SLC44A3: variants seen among roughly 807,000 people sequenced by gnomAD.
SLC44A3 encodes choline transporter-like protein 3.
A neutral mutation model predicts 75.4 loss-of-function variants in SLC44A3; 74 were observed. That is an observed-to-expected ratio of 0.98 (90% CI 0.81 to 1.19). SLC44A3 has a LOEUF of 1.19. Among genes scored for constraint, SLC44A3 ranks in the 50% most tolerant of loss-of-function variants. The pLI is 0.00. For synonymous variants in SLC44A3, 310 were observed against 296.9 expected, an observed-to-expected ratio of 1.04 and a Z score of -0.45; for missense variants, 700 against 778.6, an observed-to-expected ratio of 0.90 and a Z score of 1.20.
chr1:94,861,815 A>T (rs1279522255), intron 10 of SLC44A3, among the ~76,000 whole-genome samples: 1 of 152,240 alleles, frequency 6.6e-6, no homozygotes, highest in African/African-American at 2.4e-5. Context: ...TTTACTTTTT[A>T]CAACCATTTG....
rs1430296914 is a variant in SLC44A3, at chr1:94,824,567, CAT to C, written c.211_212del (p.Met71ValfsTer51). 1.9e-6 allele frequency: 3 copies of C among 1,612,964 alleles called. No individual in the cohort carries two copies. The highest frequency in any genetic ancestry group is 2.7e-5 in the African/African-American group (2 of 74,830). The part of the protein sequence containing the change: ...LLFGYDSFGN[M>X]CGKKNSPVEG... Reference sequence around the variant, plus strand: ...TCTTTGGCTATGACAGCTTTGGCAACATGTGTGGCAAGAAGAACTCCCCCGTG... The same window carrying C: ...TCTTTGGCTATGACAGCTTTGGCAACGTGTGGCAAGAAGAACTCCCCCGTG... On this transcript the variant is annotated frameshift_variant, in exon 3 of 15. Coordinates refer to ENST00000271227, the MANE Select transcript of SLC44A3 (RefSeq NM_001114106.3). LOFTEE classifies it high-confidence loss of function.
At chr1:94,866,868 T>A (rs1239415201) in intron 11 of SLC44A3, among the ~76,000 whole-genome samples, 1 of 152,194 alleles carries the variant, frequency 6.6e-6, no homozygotes, top group African/African-American at 2.4e-5. Flanking sequence ...AGGATTTATT[T>A]CCTCCAGAGT....
At position 94,895,187 on chromosome 1, in the gene SLC44A3, T is replaced by C; in HGVS notation, c.*265T>C. ...GCATCAACTTACAAAGTACACTATG[T>C]AAGAACTGAGGTAAGTTTGTAAGTG... On this transcript the variant is annotated 3_prime_UTR_variant, in exon 15 of 15. Coordinates refer to ENST00000271227, the MANE Select transcript of SLC44A3 (RefSeq NM_001114106.3). 1 of 323,862 alleles carries C rather than the reference T, an allele frequency of 3.1e-6. No individual in the cohort carries two copies. The highest frequency in any genetic ancestry group is 2.1e-5 in the African/African-American group (1 of 48,174). 20.1% of individuals were successfully genotyped at this position (323,862 alleles called of 1,614,324 possible).
At chr1:94,821,099 G>GGC in intron 2 of SLC44A3, 43 bp downstream of exon 2, 1 of 1,482,310 alleles carries the variant, frequency 6.7e-7, no homozygotes, top group Non-Finnish European at 9.2e-7. Context: ...GAGTGTGTGT[G>GGC]CACGTCTGGA....
At chr1:94,860,298 T>C (rs1308051951) in intron 10 of SLC44A3, among the ~76,000 whole-genome samples, 3 of 152,112 alleles carry the variant, frequency 2.0e-5, no homozygotes, top group Non-Finnish European at 4.4e-5. Context: ...CATTTTCTAT[T>C]GAAGGATTAA....
intron 10 of SLC44A3, among the ~76,000 whole-genome samples, chr1:94,857,739 A>AT (rs1666072081): frequency 6.6e-6 from 1 of 152,030 alleles, no homozygotes; most frequent in Admixed American, 6.6e-5. Context: ...TAGAAAGAAG[A>AT]CAAACAGAAA....
At chr1:94,871,283 C>T (rs917247464) in intron 12 of SLC44A3, among the ~76,000 whole-genome samples, 3 of 152,214 alleles carry the variant, frequency 2.0e-5, no homozygotes, top group African/African-American at 7.2e-5. Context: ...CTCACTGTAA[C>T]TGTAATCAAG....
chr1:94,822,545 C>G (rs971464137), intron 2 of SLC44A3, among the ~76,000 whole-genome samples: 1 of 129,912 alleles, frequency 7.7e-6, no homozygotes, highest in Non-Finnish European at 1.7e-5. Flanking sequence ...GACAGATGTC[C>G]TGACTGGTGA....
At chr1:94,829,866 C>A (rs963363325) in intron 5 of SLC44A3, among the ~76,000 whole-genome samples, 1 of 152,232 alleles carries the variant, frequency 6.6e-6, no homozygotes, top group Non-Finnish European at 1.5e-5. Context: ...ATCCCAACTC[C>A]TGTATGCACA....
Position 94,891,247 on chromosome 1 carries a change from T to G in SLC44A3, c.1600T>G (p.Phe534Val). Reference protein sequence around the residue: ...HFTSINCFGDFIIFLGKVLVV... With the variant: ...HFTSINCFGDVIIFLGKVLVV... ...TACATCTATTAACTGCTTTGGAGAC[T>G]TCATAATTTTTCTAGGAAAGGTGAG... is the stretch of plus-strand genomic sequence containing the variant. Residue 534 changes from phenylalanine (F) to valine (V), a missense_variant, in exon 13 of 15, where the codon TTC becomes GTC. By Grantham distance (50) the Phe-to-Val change is conservative. Coordinates refer to ENST00000271227, the MANE Select transcript of SLC44A3 (RefSeq NM_001114106.3). The G allele has an allele frequency of 1.2e-6, 2 of 1,605,124 alleles. No individual in the cohort carries two copies. Among genetic ancestry groups the G allele is most frequent in the Non-Finnish European group, 1.7e-6 (2 of 1,177,126 alleles).
At chr1:94,854,322 A>G (rs931390243) in intron 9 of SLC44A3, among the ~76,000 whole-genome samples, 30 of 152,338 alleles carry the variant, frequency 2.0e-4, no homozygotes, top group African/African-American at 7.0e-4. Flanking sequence ...CTTCTTCACC[A>G]TCAGAGAGCT....
At chr1:94,875,528 G>A (rs1668179836) in intron 12 of SLC44A3, among the ~76,000 whole-genome samples, 1 of 152,120 alleles carries the variant, frequency 6.6e-6, no homozygotes, top group African/African-American at 2.4e-5. Flanking sequence ...CCTCCTGGAG[G>A]ACAGACAGGT....
At chr1:94,826,292 C>G (rs571725704) in intron 3 of SLC44A3, among the ~76,000 whole-genome samples, 1 of 152,170 alleles carries the variant, frequency 6.6e-6, no homozygotes, top group African/African-American at 2.4e-5. Flanking sequence ...AAGATGAGTT[C>G]TGTGAATGGA....
Position 94,874,295 on chromosome 1 carries a change from G to C in SLC44A3, c.1482+6878G>C, listed in dbSNP as rs780061263. On this transcript the variant is annotated intron_variant, in intron 12 of 14. Coordinates refer to ENST00000271227, the MANE Select transcript of SLC44A3 (RefSeq NM_001114106.3). ...CTGCCAGGCATATGGCTGTGGCTTA[G>C]TGTGGCTTTCCTGGGAGCAGCCTCT... Among the ~76,000 whole-genome samples the C allele has an allele frequency of 2.4e-4, 37 of 152,214 alleles. 1 individual carries two copies. The highest frequency in any genetic ancestry group is 5.9e-4 in the Admixed American group (9 of 15,284).
intron 11 of SLC44A3, 50 bp from the exon 12 acceptor site, chr1:94,867,281 C>T (rs1280374133): frequency 4.1e-6 from 6 of 1,462,886 alleles, no homozygotes; most frequent in Middle Eastern, 1.8e-4. Flanking sequence ...TGCTTTTCTT[C>T]TTTCCTGTGT....
intron 12 of SLC44A3, among the ~76,000 whole-genome samples, chr1:94,885,344 C>T (rs560989734): frequency 1.3e-5 from 2 of 151,522 alleles, no homozygotes; most frequent in South Asian, 2.1e-4. Context: ...TGACTGGCCA[C>T]GAAGCACAAA....
chr1:94,835,212 G>A (rs911014478), intron 5 of SLC44A3, among the ~76,000 whole-genome samples: 5 of 152,206 alleles, frequency 3.3e-5, no homozygotes, highest in African/African-American at 7.2e-5. Context: ...CACTTTGAGA[G>A]GCAGAGGTGG....
chr1:94,883,298 C>T (rs375762405), intron 12 of SLC44A3, among the ~76,000 whole-genome samples: 4 of 152,192 alleles, frequency 2.6e-5, no homozygotes, highest in East Asian at 1.9e-4. Flanking sequence ...CTCAGGAATT[C>T]GAGACCAGCC....
chr1:94,821,611 C>T (rs1440770944), intron 2 of SLC44A3, among the ~76,000 whole-genome samples: 1 of 152,084 alleles, frequency 6.6e-6, no homozygotes, highest in Non-Finnish European at 1.5e-5. Flanking sequence ...TCAGGCTATG[C>T]GGTTATAATC....
Sources: allele counts gnomAD v4.1 joint callset (sites outside exome capture counted in the v4.1 genomes callset), GRCh38; gene constraint gnomAD v4.1.1; transcripts MANE v1.5; gene names NCBI Gene and HGNC (gene_info 2026-07-23, HGNC 2026-07-21).